TMC5: variants seen among roughly 807,000 people sequenced by gnomAD.
The protein encoded by TMC5 is transmembrane channel like 5.
In TMC5, 86 loss-of-function variants were observed where a neutral mutation model predicts 110.5. The observed-to-expected ratio is 0.78, with a 90% confidence interval of 0.65 to 0.93. The LOEUF (loss-of-function observed/expected upper bound fraction) is 0.93, where lower values mean the gene tolerates loss of function less well. Ranked by LOEUF, TMC5 falls within the 40% of genes least tolerant of loss-of-function variation. The pLI, the probability that TMC5 is intolerant of heterozygous loss-of-function variation, is 0.00. For missense variants in TMC5, 1,144 were observed against 1,222.8 expected, an observed-to-expected ratio of 0.94 and a Z score of 0.96; for synonymous variants, 455 against 439.5, an observed-to-expected ratio of 1.04 and a Z score of -0.44.
chr16:19,470,743 A>C lies in TMC5; in HGVS notation c.1782+918A>C, dbSNP rs921478529. On this transcript the variant is annotated intron_variant, in intron 10 of 21. Coordinates refer to ENST00000542583, the MANE Select transcript of TMC5 (RefSeq NM_001261841.2). ...TATTAAAAAAAAAAAAAAAAAAAAAAAAAAAAGCAGCTGGGCATGGTGGCT... is the reference window on the plus strand; with the variant it reads ...TATTAAAAAAAAAAAAAAAAAAAAACAAAAAAGCAGCTGGGCATGGTGGCT... 3.3e-5 allele frequency among the ~76,000 whole-genome samples: 5 copies of C among 150,462 alleles called. No homozygotes were observed. The South Asian group carries it at 1.0e-3, about 32-fold the overall frequency.
intron 14 of TMC5, among the ~76,000 whole-genome samples, chr16:19,480,153 C>G (rs1031734499): frequency 1.3e-5 from 2 of 152,246 alleles, no homozygotes; most frequent in East Asian, 1.9e-4. Flanking sequence ...TTTGCTTTTA[C>G]TAATCTGTCA....
At chr16:19,479,932 CA>C (rs34291127) in intron 14 of TMC5, among the ~76,000 whole-genome samples, 28,883 of 95,532 alleles carry the variant, frequency 0.3, 3,173 homozygotes, top group African/African-American at 0.45. Flanking sequence ...TGTCTCTATC[CA>C]AAAAAAAAAA....
intron 1 of TMC5, among the ~76,000 whole-genome samples, chr16:19,420,274 A>G (rs1966955045): frequency 6.6e-6 from 1 of 152,050 alleles, no homozygotes; most frequent in African/African-American, 2.4e-5. Context: ...AAACACAAAA[A>G]AAAATTAGCC....
Position 19,418,008 on chromosome 16 carries a change from A to G in TMC5, c.-392A>G, listed in dbSNP as rs1268952152. On this transcript the variant is annotated 5_prime_UTR_variant, in exon 1 of 22. Coordinates refer to ENST00000542583, the MANE Select transcript of TMC5 (RefSeq NM_001261841.2). ...GCCTTACCGGTTAGTTAAGAAAAAAAGAGGACCTGTTGCCTGTCCCTCTAG... is the reference window on the plus strand; with the variant it reads ...GCCTTACCGGTTAGTTAAGAAAAAAGGAGGACCTGTTGCCTGTCCCTCTAG... 1 of 152,186 alleles carries G rather than the reference A, an allele frequency of 6.6e-6. No homozygotes were observed. The highest frequency in any genetic ancestry group is 1.5e-5 in the Non-Finnish European group (1 of 68,060). The allele number at this position is 152,186 out of a possible 1,614,324, so 9.4% of individuals were successfully genotyped here. A position where few individuals can be genotyped will look rare whatever the true frequency, so the allele number is the denominator to read the frequency against.
At chr16:19,442,803 T>G (rs957501650) in intron 3 of TMC5, among the ~76,000 whole-genome samples, 1 of 152,232 alleles carries the variant, frequency 6.6e-6, no homozygotes, top group African/African-American at 2.4e-5. Context: ...ATATAGGACT[T>G]GGGCGTGCAG....
chr16:19,448,583 C>A (rs1024787231), intron 4 of TMC5, among the ~76,000 whole-genome samples: 1 of 151,090 alleles, frequency 6.6e-6, no homozygotes, highest in Non-Finnish European at 1.5e-5. Flanking sequence ...CGCACCACTG[C>A]ACTCCAGCCT....
At chr16:19,459,900 A>G (rs989664718) in intron 5 of TMC5, among the ~76,000 whole-genome samples, 24 of 138,448 alleles carry the variant, frequency 1.7e-4, no homozygotes, top group Non-Finnish European at 2.9e-4. Context: ...CCTGGGTGAC[A>G]CAGCAAGATC....
At chr16:19,434,731 T>C (rs1967303688) in intron 2 of TMC5, among the ~76,000 whole-genome samples, 1 of 152,144 alleles carries the variant, frequency 6.6e-6, no homozygotes, top group African/African-American at 2.4e-5. Flanking sequence ...CATAAATAAA[T>C]ATAATATCAC....
chr16:19,454,535 T>C lies in TMC5; in HGVS notation c.1048+4904T>C, dbSNP rs188421400. ...AAATGGGGTTGATTTTAATATCTAC[T>C]TCATAGCGTAAATGTTGTGCTCTAT... On this transcript the variant is annotated intron_variant, in intron 5 of 21. Transcript: ENST00000542583. Among the ~76,000 whole-genome samples, 312 of 152,326 alleles carry C rather than the reference T, an allele frequency of 2.0e-3. 1 individual carries two copies. The highest frequency in any genetic ancestry group is 0.01 in the Middle Eastern group (3 of 294).
Position 19,446,372 on chromosome 16 carries a change from C to T in TMC5, c.958+2122C>T, listed in dbSNP as rs185770746. On this transcript the variant is annotated intron_variant, in intron 4 of 21. Transcript: ENST00000542583. ...TTTGGTATTAAAACTTCTTAGAGGACGGCAATGAGGAAAAAATGTCTCCCC... is the reference window on the plus strand; with the variant it reads ...TTTGGTATTAAAACTTCTTAGAGGATGGCAATGAGGAAAAAATGTCTCCCC... Among the ~76,000 whole-genome samples the T allele has an allele frequency of 1.5e-3, 228 of 152,212 alleles. 1 individual carries two copies. The highest frequency in any genetic ancestry group is 2.1e-3 in the Non-Finnish European group (140 of 68,006).
At chr16:19,465,185 A>G (rs1054161793) in intron 8 of TMC5, among the ~76,000 whole-genome samples, 38 of 149,078 alleles carry the variant, frequency 2.5e-4, no homozygotes, top group African/African-American at 8.7e-4. Flanking sequence ...ACTAGGATTC[A>G]GTCAACAATC....
At chr16:19,451,289 T>C (rs1967743768) in intron 5 of TMC5, among the ~76,000 whole-genome samples, 2 of 152,130 alleles carry the variant, frequency 1.3e-5, no homozygotes, top group South Asian at 4.1e-4. Flanking sequence ...CTTAGAACTC[T>C]CACCTTTCAG....
rs1308874974 is a variant in TMC5 at position 19,444,265 on chromosome 16, A to G, written c.958+15A>G. ...AAGTGGCTATGGTAAGCATTTGTTAAGCCAGGATCATATCCTGGGAAAAAA... is the reference window on the plus strand; with the variant it reads ...AAGTGGCTATGGTAAGCATTTGTTAGGCCAGGATCATATCCTGGGAAAAAA... On this transcript the variant is annotated intron_variant, in intron 4 of 21. Transcript: ENST00000542583. 1.9e-6 allele frequency: 3 copies of G among 1,612,028 alleles called. No homozygotes were observed. The highest frequency in any genetic ancestry group is 2.5e-6 in the Non-Finnish European group (3 of 1,179,192).
In TMC5 at chr16:19,440,362, A is replaced by C. The variant is rs777753454; in HGVS notation, c.324A>C (p.Pro108=). The change falls in exon 3 of 22, where the codon CCA becomes CCC. Residue 108 remains proline, a synonymous_variant. Transcript: ENST00000542583. ...ACCATCCTACCTCTCTACCAGAGCC[A>C]GATTATAGTGAATTTCAGAGTCATC... ...SPDHPTSLPE[P]DYSEFQSHPY... 1.5e-5 allele frequency: 25 copies of C among 1,614,000 alleles called. No individual in the cohort carries two copies. Among genetic ancestry groups the C allele is most frequent in the Non-Finnish European group, 2.1e-5 (25 of 1,180,040 alleles).
intron 17 of TMC5, among the ~76,000 whole-genome samples, chr16:19,488,818 C>T (rs1175666565): frequency 6.6e-6 from 1 of 152,180 alleles, no homozygotes; most frequent in East Asian, 1.9e-4. Flanking sequence ...TCCGTTTTTC[C>T]CACCAGAATG....
rs1264670930 is a variant in TMC5, at chr16:19,449,393, C to T, written c.959-149C>T. The T allele has an allele frequency of 1.8e-5, 12 of 654,898 alleles. 1 individual carries two copies. In the South Asian group the frequency reaches 2.4e-4, roughly 13 times the overall value. The allele number at this position is 654,898 out of a possible 1,614,324, so 40.6% of individuals were successfully genotyped here. On this transcript the variant is annotated intron_variant, in intron 4 of 21. Coordinates refer to ENST00000542583, the MANE Select transcript of TMC5 (RefSeq NM_001261841.2). The stretch of plus-strand genomic sequence containing the variant: ...TTTTGTCCTAGTTTCCACCCAAGTT[C>T]TTAATCAGTAGTCTGTTAGAACCTC...
chr16:19,490,587 G>A lies in TMC5; in HGVS notation c.2747+19G>A, dbSNP rs117445340. The A allele has an allele frequency of 0.012, 18,718 of 1,613,702 alleles. 137 individuals are homozygous for A. The highest frequency in any genetic ancestry group is 0.013 in the Non-Finnish European group (15,496 of 1,179,770). On this transcript the variant is annotated intron_variant, in intron 18 of 21. Coordinates refer to ENST00000542583, the MANE Select transcript of TMC5 (RefSeq NM_001261841.2). Reference sequence around the variant, plus strand: ...TTGTGCTGTGAGTGTGGTACCCGGGGAATCTAGCAGGGAAAGCCAGGAGCT... The same window carrying A: ...TTGTGCTGTGAGTGTGGTACCCGGGAAATCTAGCAGGGAAAGCCAGGAGCT...
chr16:19,457,706 A>ATTTTTT (rs1555483103), intron 5 of TMC5, among the ~76,000 whole-genome samples: 25 of 41,080 alleles, frequency 6.1e-4, no homozygotes, highest in Non-Finnish European at 1.8e-3. Flanking sequence ...CCAAGACTAC[A>ATTTTTT]TTCTTTTTTT....
chr16:19,489,633 ATGCCTGGCT>A (rs1968836407), intron 17 of TMC5, among the ~76,000 whole-genome samples: 1 of 143,864 alleles, frequency 7.0e-6, no homozygotes, highest in Non-Finnish European at 1.5e-5. Context: ...CGCGCCTGGC[ATGCCTGGCT>A]AATTTTTTTT....
Sources: gnomAD v4.1 joint callset for allele counts (sites outside exome capture counted in the v4.1 genomes callset) on GRCh38, gnomAD v4.1.1 for gene constraint, MANE v1.5 for transcripts, NCBI Gene and HGNC (gene_info 2026-07-23, HGNC 2026-07-21) for gene names.